NRG3: variants seen among roughly 807,000 people sequenced by gnomAD.
NRG3 encodes the protein pro-neuregulin-3, membrane-bound isoform.
In NRG3, 31 loss-of-function variants were observed where a neutral mutation model predicts 66.9. That is an observed-to-expected ratio of 0.46 (90% CI 0.35 to 0.63). NRG3 has a LOEUF of 0.63. Ranked by LOEUF, NRG3 falls within the 20% of genes least tolerant of loss-of-function variation. NRG3 has a pLI of 0.00. For missense variants in NRG3, 910 were observed against 878.9 expected (o/e 1.04, Z -0.45); for synonymous variants, 393 against 359.4 (o/e 1.09, Z -1.06).
intron 1 of NRG3, among the ~76,000 whole-genome samples, chr10:82,289,508 G>T (rs556211655): frequency 6.6e-6 from 1 of 152,320 alleles, no homozygotes; most frequent in African/African-American, 2.4e-5. Context: ...TTAGATTGAA[G>T]TTTATCCTTA....
intron 1 of NRG3, among the ~76,000 whole-genome samples, chr10:82,233,123 G>C (rs7908416): frequency 0.024 from 3,707 of 152,254 alleles, 149 homozygotes; most frequent in African/African-American, 0.086. Flanking sequence ...CCAGCACTTC[G>C]GGAGGCCGAG....
chr10:82,676,760 G>GCC (rs1330687375), intron 2 of NRG3, among the ~76,000 whole-genome samples: 2 of 152,106 alleles, frequency 1.3e-5, no homozygotes, highest in Non-Finnish European at 2.9e-5. Context: ...TGGATTACAG[G>GCC]CCGGAGCCAT....
intron 2 of NRG3, among the ~76,000 whole-genome samples, chr10:82,484,186 A>G (rs1842499429): frequency 6.6e-6 from 1 of 152,210 alleles, no homozygotes; most frequent in African/African-American, 2.4e-5. Flanking sequence ...TATTTAGTGA[A>G]TGAGCCAAAT....
chr10:82,828,342 A>G (rs1166594033), intron 3 of NRG3, among the ~76,000 whole-genome samples: 2 of 152,168 alleles, frequency 1.3e-5, no homozygotes, highest in Non-Finnish European at 2.9e-5. Context: ...CCCCCTGCCT[A>G]GTCACAGGCT....
intron 4 of NRG3, 28 bp downstream of exon 4, chr10:82,865,465 T>C (rs1245149293): frequency 6.2e-7 from 1 of 1,608,404 alleles, no homozygotes; most frequent in Admixed American, 1.7e-5. Flanking sequence ...GCTCATTTAA[T>C]ATCCTGGAAA....
chr10:82,116,323 G>A (rs1454402970), intron 1 of NRG3, among the ~76,000 whole-genome samples: 2 of 152,068 alleles, frequency 1.3e-5, no homozygotes, highest in African/African-American at 2.4e-5. Flanking sequence ...AAAATTAAAG[G>A]CGACTGAAAT....
chr10:81,898,877 TA>T (rs762275920), intron 1 of NRG3, among the ~76,000 whole-genome samples: 2 of 152,204 alleles, frequency 1.3e-5, no homozygotes, highest in Non-Finnish European at 2.9e-5. Flanking sequence ...ACTGTGGTTA[TA>T]CAGGAAGATT....
chr10:82,846,646 G>A lies in NRG3; in HGVS notation c.1028-18765G>A, dbSNP rs150212601. Among the ~76,000 whole-genome samples, 36 of 152,176 alleles carry A rather than the reference G, an allele frequency of 2.4e-4. No individual in the cohort carries two copies. The East Asian group carries it at 6.4e-3, about 27-fold the overall frequency. ...AAGATTTTGAGAGTAATGTCAAGACGGTGTGTGTGTACAATATGAAGATAA... is the reference window on the plus strand; with the variant it reads ...AAGATTTTGAGAGTAATGTCAAGACAGTGTGTGTGTACAATATGAAGATAA... On this transcript the variant is annotated intron_variant, in intron 3 of 8. Coordinates refer to ENST00000372141, the MANE Select transcript of NRG3 (RefSeq NM_001010848.4).
Position 82,035,213 on chromosome 10 carries a change from G to T in NRG3, c.823+159050G>T, listed in dbSNP as rs78095064. ...GACCTAGGGTCAAATGCATTAACCT[G>T]CTCCATCACCAAAATGCTGCTGGAG... On this transcript the variant is annotated intron_variant, in intron 1 of 8. Coordinates refer to ENST00000372141, the MANE Select transcript of NRG3 (RefSeq NM_001010848.4). 1.1e-3 allele frequency among the ~76,000 whole-genome samples: 172 copies of T among 152,132 alleles called. 3 individuals are homozygous for T. In the East Asian group the frequency reaches 0.027, roughly 24 times the overall value.
At chr10:82,692,029 T>C (rs1489103627) in intron 2 of NRG3, among the ~76,000 whole-genome samples, 1 of 152,114 alleles carries the variant, frequency 6.6e-6, no homozygotes, top group Non-Finnish European at 1.5e-5. Context: ...ATCCCAGCGC[T>C]TTGGGAGGCC....
chr10:82,978,378 A>T (rs146137718), intron 7 of NRG3, among the ~76,000 whole-genome samples: 28 of 152,364 alleles, frequency 1.8e-4, no homozygotes, highest in African/African-American at 6.5e-4. Flanking sequence ...ATTAAAAGCA[A>T]ACTCAGAAGA....
chr10:82,398,840 G>A (rs993317614), intron 2 of NRG3, among the ~76,000 whole-genome samples: 4 of 152,098 alleles, frequency 2.6e-5, no homozygotes, highest in Admixed American at 1.3e-4. Context: ...CTGGAAATGA[G>A]GCAGAAGGAA....
At chr10:82,540,783 T>C (rs1044794214) in intron 2 of NRG3, among the ~76,000 whole-genome samples, 1 of 152,170 alleles carries the variant, frequency 6.6e-6, no homozygotes, top group Non-Finnish European at 1.5e-5. Context: ...ATAAGAGTTA[T>C]AATTTTGGCT....
At chr10:82,241,937 C>T (rs2134002091) in intron 1 of NRG3, among the ~76,000 whole-genome samples, 1 of 152,174 alleles carries the variant, frequency 6.6e-6, no homozygotes, top group East Asian at 1.9e-4. Flanking sequence ...CAGTTAGAGA[C>T]CCACCAAATT....
chr10:82,690,212 A>T (rs1459375032), intron 2 of NRG3, among the ~76,000 whole-genome samples: 1 of 152,186 alleles, frequency 6.6e-6, no homozygotes, highest in African/African-American at 2.4e-5. Flanking sequence ...CTATATGAAG[A>T]ATCTCATATA....
intron 4 of NRG3, among the ~76,000 whole-genome samples, chr10:82,918,320 C>T (rs1181578352): frequency 2.0e-5 from 3 of 152,044 alleles, no homozygotes; most frequent in Admixed American, 1.3e-4. Flanking sequence ...GTTTGAATCC[C>T]CATTCAATAC....
At chr10:82,146,049 T>A (rs929712610) in intron 1 of NRG3, among the ~76,000 whole-genome samples, 2 of 152,188 alleles carry the variant, frequency 1.3e-5, no homozygotes, top group Non-Finnish European at 2.9e-5. Flanking sequence ...GTGAGTGAGT[T>A]AAACACCTCA....
chr10:82,232,914 A>C, intron 1 of NRG3: 1 of 698,018 alleles, frequency 1.4e-6, no homozygotes, highest in East Asian at 2.7e-5. Flanking sequence ...TAATTTCTCC[A>C]GAATTTGGGA....
At chr10:82,271,263 G>T (rs2134315543) in intron 1 of NRG3, among the ~76,000 whole-genome samples, 1 of 152,104 alleles carries the variant, frequency 6.6e-6, no homozygotes. Flanking sequence ...TTTTACATGT[G>T]CAAGGTAGAA....
Sources: gnomAD v4.1 joint callset for allele counts (sites outside exome capture counted in the v4.1 genomes callset) on GRCh38, gnomAD v4.1.1 for gene constraint, MANE v1.5 for transcripts, NCBI Gene and HGNC (gene_info 2026-07-23, HGNC 2026-07-21) for gene names.